Variants in TXLNB observed in about 807,000 individuals in gnomAD.
The protein encoded by TXLNB is beta-taxilin.
TXLNB carries 37 observed loss-of-function variants against 57.4 expected under a neutral mutation model. That is an observed-to-expected ratio of 0.64 (90% confidence interval 0.50 to 0.85). TXLNB has a LOEUF of 0.85. TXLNB is among the 40% of genes least tolerant of loss of function. TXLNB has a pLI of 0.00. For synonymous variants in TXLNB, 302 were observed against 309.6 expected (o/e 0.98, Z 0.26); for missense variants, 848 against 825.6 (o/e 1.03, Z -0.33).
At chr6:139,165,418 A>T in the TXLNB span, among the ~76,000 whole-genome samples, 1 of 152,112 alleles carries the variant, frequency 6.6e-6, no homozygotes, top group Admixed American at 6.5e-5. Flanking sequence ...ATTGTCATTT[A>T]ATTTCATAGT....
rs61741440 is a variant in TXLNB at position 139,242,831 on chromosome 6, A to G, written c.1750T>C (p.Leu584=). ...CCCTCGCATTGGGTTTCTGCTCCCA[A>G]CCCGGCAGGAGAATTACTGGCCTTG... ...PSKASNSPAG[L]GAETQCEGLP... Residue 584 remains leucine (L), a synonymous_variant, in exon 10 of 10, where the codon TTG becomes CTG. Transcript: ENST00000358430. The G allele has an allele frequency of 5.9e-3, 9,597 of 1,613,738 alleles. 296 individuals are homozygous for G. The African/African-American group carries it at 0.082, about 14-fold the overall frequency.
intron 1 of TXLNB, among the ~76,000 whole-genome samples, chr6:139,289,333 C>G (rs570681040): frequency 6.2e-4 from 88 of 142,312 alleles, no homozygotes; most frequent in African/African-American, 2.2e-3. Context: ...TCACGTACCC[C>G]CTGCTTGCTC....
At chr6:139,285,937 C>T (rs113972476) in intron 2 of TXLNB, among the ~76,000 whole-genome samples, 1 of 145,228 alleles carries the variant, frequency 6.9e-6, no homozygotes, top group African/African-American at 2.5e-5. Context: ...CGAGAGGCCT[C>T]TATCAGTTTC....
Position 139,244,709 on chromosome 6 carries a change from G to C in TXLNB, c.1171-19C>G, listed in dbSNP as rs752562867. On this transcript the variant is annotated intron_variant, in intron 8 of 9. Coordinates refer to ENST00000358430, the MANE Select transcript of TXLNB (RefSeq NM_153235.4). ...TAGTTGTCTACAGAAATTAGAGTGA[G>C]TGTGTGTTAATCTTGAAAAGTTAAT... is the stretch of plus-strand genomic sequence containing the variant. The C allele has an allele frequency of 1.9e-6, 3 of 1,556,610 alleles. No individual in the cohort carries two copies. The highest frequency in any genetic ancestry group is 2.7e-6 in the Non-Finnish European group (3 of 1,127,674).
the TXLNB span, among the ~76,000 whole-genome samples, chr6:139,175,975 A>G: frequency 6.6e-6 from 1 of 152,258 alleles, no homozygotes; most frequent in Non-Finnish European, 1.5e-5. Context: ...GTTAGACGCT[A>G]CTAATGAATC....
At chr6:139,270,422 A>G (rs375629080) in intron 4 of TXLNB, 34 bp downstream of exon 4, 372 of 1,586,332 alleles carry the variant, frequency 2.3e-4, no homozygotes, top group Non-Finnish European at 3.1e-4. Context: ...GCCCCATTCA[A>G]GAAATTATGT....
the TXLNB span, among the ~76,000 whole-genome samples, chr6:139,211,947 T>G: frequency 6.6e-6 from 1 of 151,984 alleles, no homozygotes; most frequent in African/African-American, 2.4e-5. Context: ...TAAAAAGAAA[T>G]GAACAAAGCC....
At chr6:139,305,565 A>T in the TXLNB span, among the ~76,000 whole-genome samples, 1 of 152,228 alleles carries the variant, frequency 6.6e-6, no homozygotes, top group African/African-American at 2.4e-5. Context: ...ATCTTTTACA[A>T]TGTTATCAGT....
upstream of TXLNB, chr6:139,292,207 T>C (rs1402279948): frequency 1.3e-5 from 2 of 152,236 alleles, no homozygotes; most frequent in African/African-American, 4.8e-5. This position sits in a 1 kb window ranked among gnomAD's most constrained non-coding sequence, Gnocchi z 4.0. Flanking sequence ...CAAGCTTCCC[T>C]AGCTGTTGCC....
the TXLNB span, among the ~76,000 whole-genome samples, chr6:139,222,663 G>C: frequency 6.6e-6 from 1 of 152,002 alleles, no homozygotes; most frequent in African/African-American, 2.4e-5. Context: ...AAAATTAGCC[G>C]GGCCTGGTGG....
intron 7 of TXLNB, among the ~76,000 whole-genome samples, chr6:139,254,032 G>A (rs992678126): frequency 3.3e-5 from 5 of 152,112 alleles, no homozygotes; most frequent in African/African-American, 1.2e-4. Context: ...TTCCGTGACT[G>A]CCTAAAGGAT....
chr6:139,229,587 T>C, the TXLNB span, among the ~76,000 whole-genome samples: 42 of 152,290 alleles, frequency 2.8e-4, no homozygotes, highest in African/African-American at 1.0e-3. Flanking sequence ...CCTCCCAAAG[T>C]GCTGGGATTA....
At chr6:139,257,787 C>T (rs1247406990) in intron 6 of TXLNB, among the ~76,000 whole-genome samples, 1 of 152,138 alleles carries the variant, frequency 6.6e-6, no homozygotes. Flanking sequence ...ACAATAAAAT[C>T]ATTACTTTTA....
the TXLNB span, among the ~76,000 whole-genome samples, chr6:139,316,337 G>T: frequency 6.6e-6 from 1 of 151,644 alleles, no homozygotes. Context: ...TATATGATCA[G>T]GTTTCTTATC....
rs947524545 is a variant in TXLNB, at chr6:139,240,533, G to C, written c.*1993C>G. On this transcript the variant is annotated 3_prime_UTR_variant, in exon 10 of 10. Transcript: ENST00000358430. ...CTATGACTAATCTTACTCCATTCTTGGACGTTCTGCCTCTGCAGTGGGGAA... is the reference window on the plus strand; with the variant it reads ...CTATGACTAATCTTACTCCATTCTTCGACGTTCTGCCTCTGCAGTGGGGAA... 6.6e-6 allele frequency: 1 copy of C among 152,544 alleles called. No individual in the cohort carries two copies. Among genetic ancestry groups the C allele is most frequent in the Non-Finnish European group, 1.5e-5 (1 of 68,036 alleles). The allele number at this position is 152,544 out of a possible 1,614,324, so 9.4% of individuals were successfully genotyped here. A position where few individuals can be genotyped will look rare whatever the true frequency, so the allele number is the denominator to read the frequency against.
chr6:139,281,539 CTTTTTTTTTTTT>C lies in TXLNB; in HGVS notation c.425-4630_425-4619del, dbSNP rs745650982. 5.2e-5 allele frequency among the ~76,000 whole-genome samples: 3 copies of C among 57,488 alleles called. 1 individual carries two copies. Among genetic ancestry groups the C allele is most frequent in the Non-Finnish European group, 8.8e-5 (3 of 34,074 alleles). The allele number at this position is 57,488 out of a possible 152,430, so 37.7% of individuals were successfully genotyped here. A position where few individuals can be genotyped will look rare whatever the true frequency, so the allele number is the denominator to read the frequency against. On this transcript the variant is annotated intron_variant, in intron 2 of 9. Transcript: ENST00000358430. ...TCAGTAGGAGAGTGGATCTGGAGTT[CTTTTTTTTTTTT>C]TTTTTTTTTTTTTTTGAGACGGAGT...
chr6:139,253,627 A>G (rs144114530), intron 7 of TXLNB, among the ~76,000 whole-genome samples: 239 of 152,250 alleles, frequency 1.6e-3, no homozygotes, highest in African/African-American at 5.4e-3. Flanking sequence ...ACAATAGCAA[A>G]TCTAGAACCC....
intron 1 of TXLNB, among the ~76,000 whole-genome samples, chr6:139,289,443 T>G (rs1777257665): frequency 6.6e-6 from 1 of 151,954 alleles, no homozygotes; most frequent in African/African-American, 2.4e-5. Context: ...GAGACAGGAG[T>G]CTTGCTGACG....
At chr6:139,279,790 G>A (rs1348079673) in intron 2 of TXLNB, among the ~76,000 whole-genome samples, 5 of 152,194 alleles carry the variant, frequency 3.3e-5, no homozygotes, top group African/African-American at 1.2e-4. Flanking sequence ...TCCAAAGCAA[G>A]CTTCATTTCT....
Sources: allele counts gnomAD v4.1 joint callset (sites outside exome capture counted in the v4.1 genomes callset), GRCh38; gene constraint gnomAD v4.1.1; non-coding constraint Gnocchi (gnomAD v3.1); transcripts MANE v1.5; gene names NCBI Gene and HGNC (gene_info 2026-07-23, HGNC 2026-07-21).